Variants in BTBD9 observed in about 807,000 individuals in gnomAD.
BTBD9 encodes the protein BTB domain containing 9, also known as BTB/POZ domain-containing protein 9.
BTBD9 carries 49 observed loss-of-function variants against 64.3 expected under a neutral mutation model. That is an observed-to-expected ratio of 0.76 (90% CI 0.61 to 0.97). BTBD9 has a LOEUF of 0.97. Among genes scored for constraint, BTBD9 ranks in the 50% least tolerant of loss-of-function variants. The pLI is 0.00. For synonymous variants in BTBD9, 260 were observed against 274.7 expected (o/e 0.95, Z 0.53); for missense variants, 598 against 762.1 (o/e 0.78, Z 2.53).
intron 6 of BTBD9, among the ~76,000 whole-genome samples, chr6:38,441,968 T>C (rs766602121): frequency 4.6e-5 from 7 of 152,166 alleles, no homozygotes; most frequent in Non-Finnish European, 1.0e-4. Flanking sequence ...AGCCCCTCTC[T>C]GATGCATGAA....
At position 38,595,922 on chromosome 6, in the gene BTBD9, G is replaced by A. The variant is rs904058573; in HGVS notation, c.186-1595C>T. The A allele has an allele frequency of 1.1e-5, 11 of 985,164 alleles. No individual in the cohort carries two copies. The African/African-American group carries it at 1.7e-4, about 16-fold the overall frequency. 61.0% of individuals were successfully genotyped at this position (985,164 alleles called of 1,614,324 possible). On this transcript the variant is annotated intron_variant, in intron 2 of 10. Transcript: ENST00000481247. ...TATCCCCAATCCTGTATGATCCATGGTATTTATTTGGATTCTCAATGCTTT... is the reference window on the plus strand; with the variant it reads ...TATCCCCAATCCTGTATGATCCATGATATTTATTTGGATTCTCAATGCTTT...
Position 38,202,083 on chromosome 6 carries a change from TTG to T in BTBD9, c.1563-9488_1563-9487del, listed in dbSNP as rs1491049508. The stretch of plus-strand genomic sequence containing the variant: ...CAAAAATCCAAAAATGTCGTTTTTT[TTG>T]TTTTTTTTTTTTTTTTTTGAGATGG... On this transcript the variant is annotated intron_variant, in intron 9 of 10. Transcript: ENST00000481247. 2.6e-4 allele frequency among the ~76,000 whole-genome samples: 36 copies of T among 140,726 alleles called. No homozygotes were observed. In the East Asian group the frequency reaches 3.0e-3, roughly 12 times the overall value. 92.3% of individuals were successfully genotyped at this position (140,726 alleles called of 152,430 possible). A position where few individuals can be genotyped will look rare whatever the true frequency, so the allele number is the denominator to read the frequency against.
At chr6:38,517,339 C>CA (rs1416952984) in intron 6 of BTBD9, among the ~76,000 whole-genome samples, 2 of 152,100 alleles carry the variant, frequency 1.3e-5, no homozygotes, top group Non-Finnish European at 2.9e-5. Context: ...AATGCTACAG[C>CA]AAAAAAAGTT....
chr6:38,247,542 T>G (rs756457815), intron 9 of BTBD9, among the ~76,000 whole-genome samples: 1 of 152,044 alleles, frequency 6.6e-6, no homozygotes, highest in Non-Finnish European at 1.5e-5. Context: ...CTTCCCAACA[T>G]TAGGTTGCTG....
At chr6:38,583,011 G>A (rs1016542306) in intron 4 of BTBD9, among the ~76,000 whole-genome samples, 1 of 152,200 alleles carries the variant, frequency 6.6e-6, no homozygotes, top group Non-Finnish European at 1.5e-5. Flanking sequence ...CTCCAATCTA[G>A]AGAGGAAGTA....
At chr6:38,200,775 G>A (rs1762434881) in intron 9 of BTBD9, among the ~76,000 whole-genome samples, 1 of 152,088 alleles carries the variant, frequency 6.6e-6, no homozygotes, top group African/African-American at 2.4e-5. Context: ...ATAACAAAAA[G>A]TCTCCCAACA....
At chr6:38,589,966 T>C (rs547670182) in intron 4 of BTBD9, among the ~76,000 whole-genome samples, 1 of 152,366 alleles carries the variant, frequency 6.6e-6, no homozygotes, top group African/African-American at 2.4e-5. Context: ...TCTTTTTCTA[T>C]ACTCTAGCAG....
At chr6:38,408,145 C>T (rs1474518720) in intron 6 of BTBD9, among the ~76,000 whole-genome samples, 1 of 151,994 alleles carries the variant, frequency 6.6e-6, no homozygotes, top group Non-Finnish European at 1.5e-5. Flanking sequence ...TCACATGAGG[C>T]CAGGAGTTCG....
At chr6:38,639,575 T>C (rs1778653775) in intron 1 of BTBD9, among the ~76,000 whole-genome samples, 1 of 152,128 alleles carries the variant, frequency 6.6e-6, no homozygotes, top group African/African-American at 2.4e-5. Context: ...AAACGTCTAC[T>C]TCCCACTACA....
intron 9 of BTBD9, among the ~76,000 whole-genome samples, chr6:38,230,848 G>T (rs1183548636): frequency 1.3e-5 from 2 of 152,068 alleles, no homozygotes; most frequent in African/African-American, 4.8e-5. Flanking sequence ...AGGCCTTTCT[G>T]GCCTAAAGTA....
chr6:38,248,419 GCA>G (rs2127529739), intron 9 of BTBD9, among the ~76,000 whole-genome samples: 1 of 152,318 alleles, frequency 6.6e-6, no homozygotes, highest in Admixed American at 6.5e-5. Flanking sequence ...TTTGCGAGGG[GCA>G]CAGTTTTGGA....
intron 6 of BTBD9, among the ~76,000 whole-genome samples, chr6:38,396,897 C>CTTTTTTTTTTTTTTTTTTTTTTT (rs146597621): frequency 2.8e-4 from 30 of 107,400 alleles, no homozygotes; most frequent in Non-Finnish European, 4.3e-4. Context: ...TTTTCTTTTT[C>CTTTTTTTTTTTTTTTTTTTTTTT]TTTTTTTTTT....
At chr6:38,542,114 C>T (rs1774307223) in intron 6 of BTBD9, among the ~76,000 whole-genome samples, 1 of 152,082 alleles carries the variant, frequency 6.6e-6, no homozygotes, top group South Asian at 2.1e-4. Flanking sequence ...TTCATCTACC[C>T]AACAGCTTCA....
At chr6:38,523,923 A>G (rs1773376641) in intron 6 of BTBD9, among the ~76,000 whole-genome samples, 1 of 152,136 alleles carries the variant, frequency 6.6e-6, no homozygotes, top group African/African-American at 2.4e-5. Flanking sequence ...GTGCTCTTAA[A>G]CCACTGTGTT....
Position 38,427,560 on chromosome 6 carries a change from G to A in BTBD9, c.1155-82467C>T, listed in dbSNP as rs547042963. Among the ~76,000 whole-genome samples, 3 of 152,070 alleles carry A rather than the reference G, an allele frequency of 2.0e-5. No homozygotes were observed. In the South Asian group the frequency reaches 6.2e-4, roughly 31 times the overall value. ...CTAGAAAGGAAAAGAGGAAATCCCT[G>A]CAGCTAGAAATGCTGGAGTTTTGTT... On this transcript the variant is annotated intron_variant, in intron 6 of 10. Coordinates refer to ENST00000481247, the MANE Select transcript of BTBD9 (RefSeq NM_001099272.2).
intron 6 of BTBD9, among the ~76,000 whole-genome samples, chr6:38,431,588 T>C (rs779494034): frequency 3.9e-5 from 6 of 152,140 alleles, no homozygotes; most frequent in Non-Finnish European, 7.4e-5. Context: ...TTCACACCCT[T>C]GCTCAAACAA....
At position 38,412,509 on chromosome 6, in the gene BTBD9, C is replaced by T. The variant is rs116592116; in HGVS notation, c.1155-67416G>A. 3.2e-3 allele frequency among the ~76,000 whole-genome samples: 479 copies of T among 150,404 alleles called. 4 individuals are homozygous for T. Among genetic ancestry groups the T allele is most frequent in the African/African-American group, 0.011 (430 of 40,820 alleles). On this transcript the variant is annotated intron_variant, in intron 6 of 10. Coordinates refer to ENST00000481247, the MANE Select transcript of BTBD9 (RefSeq NM_001099272.2). ...ATTTGAGGGAGCAGCTGAAGTCTTA[C>T]GACTATGTAACAGTGTACAAAGGAG...
chr6:38,483,202 C>G (rs949286926), intron 6 of BTBD9, among the ~76,000 whole-genome samples: 1 of 151,876 alleles, frequency 6.6e-6, no homozygotes, highest in Non-Finnish European at 1.5e-5. Context: ...ACCCCTATTC[C>G]CTCAGCCTCT....
chr6:38,543,726 G>A (rs953406878), intron 6 of BTBD9, among the ~76,000 whole-genome samples: 6 of 152,186 alleles, frequency 3.9e-5, no homozygotes, highest in Non-Finnish European at 8.8e-5. Context: ...GGGAGGCCGA[G>A]ACGGGCGGAT....
Sources: gnomAD v4.1 joint callset for allele counts (sites outside exome capture counted in the v4.1 genomes callset) on GRCh38, gnomAD v4.1.1 for gene constraint, MANE v1.5 for transcripts, NCBI Gene and HGNC (gene_info 2026-07-23, HGNC 2026-07-21) for gene names.